CNTLN: variants seen among roughly 807,000 people sequenced by gnomAD.
CNTLN encodes centlein.
In CNTLN, 212 loss-of-function variants were observed where a neutral mutation model predicts 180.0. That is an observed-to-expected ratio of 1.18 (90% CI 1.05 to 1.32). The LOEUF (loss-of-function observed/expected upper bound fraction) is 1.32, where lower values mean the gene tolerates loss of function less well. CNTLN is among the 40% of genes most tolerant of loss of function. The pLI is 0.00. For synonymous variants in CNTLN, 722 were observed against 563.1 expected, an observed-to-expected ratio of 1.28 and a Z score of -3.99; for missense variants, 2,095 against 1,610.9, an observed-to-expected ratio of 1.30 and a Z score of -5.14.
chr9:17,279,064 T>C (rs937030639), intron 6 of CNTLN, among the ~76,000 whole-genome samples: 15 of 151,896 alleles, frequency 9.9e-5, no homozygotes, highest in African/African-American at 2.9e-4. Context: ...AACAAACTGA[T>C]ACGAAAAACC....
intron 18 of CNTLN, chr9:17,448,216 C>A: frequency 5.5e-6 from 1 of 180,698 alleles, no homozygotes. Context: ...TGCATTGTCA[C>A]CTTGACATGT....
intron 8 of CNTLN, among the ~76,000 whole-genome samples, chr9:17,328,100 G>A (rs910576294): frequency 2.0e-5 from 3 of 152,066 alleles, no homozygotes; most frequent in Admixed American, 6.6e-5. Context: ...TGTACCTTAT[G>A]CATGTTTGGT....
intron 5 of CNTLN, among the ~76,000 whole-genome samples, chr9:17,240,958 A>G (rs898237417): frequency 6.6e-6 from 1 of 152,120 alleles, no homozygotes; most frequent in Non-Finnish European, 1.5e-5. Context: ...TCCCGGGTTC[A>G]TGCCATTCTC....
chr9:17,519,778 G>C, the CNTLN span, among the ~76,000 whole-genome samples: 1 of 152,218 alleles, frequency 6.6e-6, no homozygotes, highest in Admixed American at 6.5e-5. Context: ...CATGCAGAGA[G>C]GATGAGAAGG....
chr9:17,208,864 C>G (rs764363332), intron 2 of CNTLN, among the ~76,000 whole-genome samples: 11 of 151,932 alleles, frequency 7.2e-5, no homozygotes, highest in Admixed American at 1.3e-4. Flanking sequence ...ATTAATTAGT[C>G]TGGCTAAGGA....
intron 6 of CNTLN, among the ~76,000 whole-genome samples, chr9:17,282,160 A>C (rs1828706480): frequency 6.6e-6 from 1 of 152,006 alleles, no homozygotes; most frequent in Admixed American, 6.6e-5. Context: ...ATAGGGTTTC[A>C]CCATGTTGGC....
chr9:17,210,634 C>T (rs1823234559), intron 2 of CNTLN, among the ~76,000 whole-genome samples: 1 of 152,222 alleles, frequency 6.6e-6, no homozygotes, highest in South Asian at 2.1e-4. Flanking sequence ...GGAATCACCA[C>T]ACTGTCTTCC....
At position 17,312,369 on chromosome 9, in the gene CNTLN, T is replaced by TATATATATATATA. The variant is rs1554686010; in HGVS notation, c.1341+3118_1341+3130dup. 0.018 allele frequency among the ~76,000 whole-genome samples: 591 copies of TATATATATATATA among 33,500 alleles called. 11 individuals are homozygous for TATATATATATATA. In the East Asian group the frequency reaches 0.25, roughly 14 times the overall value. The allele number at this position is 33,500 out of a possible 152,430, so 22.0% of individuals were successfully genotyped here. A position where few individuals can be genotyped will look rare whatever the true frequency, so the allele number is the denominator to read the frequency against. On this transcript the variant is annotated intron_variant, in intron 8 of 25. Coordinates refer to ENST00000380647, the MANE Select transcript of CNTLN (RefSeq NM_017738.4). Reference sequence around the variant, plus strand: ...TATATATATATATATATATATTATATATATATATATATATAATTTATTTAT... The same window carrying TATATATATATATA: ...TATATATATATATATATATATTATATATATATATATATAATATATATATATATAATTTATTTAT...
intron 5 of CNTLN, among the ~76,000 whole-genome samples, chr9:17,258,572 A>G (rs1376557253): frequency 2.7e-5 from 4 of 150,730 alleles, no homozygotes; most frequent in Non-Finnish European, 5.9e-5. Flanking sequence ...CTTGGGCAGT[A>G]TGGCCATTTT....
chr9:17,483,596 ACT>A (rs1832754319), intron 23 of CNTLN, among the ~76,000 whole-genome samples: 1 of 152,182 alleles, frequency 6.6e-6, no homozygotes, highest in Non-Finnish European at 1.5e-5. Flanking sequence ...GTATTGAAGC[ACT>A]CTGTCCAACC....
chr9:17,185,316 G>A (rs749139266), intron 2 of CNTLN, among the ~76,000 whole-genome samples: 9 of 152,132 alleles, frequency 5.9e-5, no homozygotes, highest in Non-Finnish European at 1.3e-4. Context: ...CTTCTGGTAC[G>A]TGTTCATGAT....
chr9:17,379,156 G>T (rs563651187), intron 13 of CNTLN, among the ~76,000 whole-genome samples: 1 of 151,458 alleles, frequency 6.6e-6, no homozygotes, highest in South Asian at 2.1e-4. Flanking sequence ...TTAGTATAGC[G>T]TGCCCCACTT....
intron 2 of CNTLN, among the ~76,000 whole-genome samples, chr9:17,145,891 C>T (rs1232704766): frequency 1.3e-5 from 2 of 152,046 alleles, no homozygotes; most frequent in Non-Finnish European, 2.9e-5. Flanking sequence ...CTTTCTTTTG[C>T]CCTTAAGCTT....
intron 25 of CNTLN, among the ~76,000 whole-genome samples, chr9:17,489,150 T>C (rs902528290): frequency 6.6e-6 from 1 of 152,108 alleles, no homozygotes; most frequent in East Asian, 1.9e-4. Flanking sequence ...TTTTTTAGCC[T>C]ACTTTTCTTC....
At chr9:17,285,848 G>A (rs1828950447) in intron 6 of CNTLN, among the ~76,000 whole-genome samples, 1 of 89,048 alleles carries the variant, frequency 1.1e-5, no homozygotes, top group African/African-American at 6.1e-5. Context: ...TTTTTGATGG[G>A]GTTGTTTGTT....
At chr9:17,197,921 G>C (rs1369153893) in intron 2 of CNTLN, among the ~76,000 whole-genome samples, 2 of 152,118 alleles carry the variant, frequency 1.3e-5, no homozygotes, top group Non-Finnish European at 2.9e-5. Context: ...AGTATGGTGA[G>C]AAATGAGGGT....
At chr9:17,283,769 A>C (rs1465032393) in intron 6 of CNTLN, among the ~76,000 whole-genome samples, 2 of 152,144 alleles carry the variant, frequency 1.3e-5, no homozygotes, top group African/African-American at 2.4e-5. Flanking sequence ...GGTATGTTCC[A>C]TCAATACCTA....
At position 17,377,441 on chromosome 9, in the gene CNTLN, T is replaced by C. The variant is rs548697654; in HGVS notation, c.1988-10721T>C. 3.3e-5 allele frequency among the ~76,000 whole-genome samples: 5 copies of C among 152,238 alleles called. No homozygotes were observed. The South Asian group carries it at 1.0e-3, about 32-fold the overall frequency. The stretch of plus-strand genomic sequence containing the variant: ...TTGTAATCCCAGCTACCTGGTAGGC[T>C]GAGACAGGATAATCCCTTGAACACA... On this transcript the variant is annotated intron_variant, in intron 13 of 25. Transcript: ENST00000380647.
chr9:17,227,713 T>G (rs1042662591), intron 3 of CNTLN, among the ~76,000 whole-genome samples: 1 of 152,092 alleles, frequency 6.6e-6, no homozygotes, highest in Non-Finnish European at 1.5e-5. Context: ...AAAAGGAATA[T>G]TGATTCCAAT....
Sources: gnomAD v4.1 joint callset for allele counts (sites outside exome capture counted in the v4.1 genomes callset) on GRCh38, gnomAD v4.1.1 for gene constraint, MANE v1.5 for transcripts, NCBI Gene and HGNC (gene_info 2026-07-23, HGNC 2026-07-21) for gene names.